The following PIWIL3 variants were observed in gnomAD, a reference collection of about 807,000 sequenced individuals.
The protein encoded by PIWIL3 is piwi like RNA-mediated gene silencing 3.
PIWIL3 carries 101 observed loss-of-function variants against 109.7 expected under a neutral mutation model. The ratio of observed to expected loss-of-function variants is 0.92; its 90% confidence interval spans 0.78 to 1.09. PIWIL3 has a LOEUF of 1.09. Ranked by LOEUF, PIWIL3 falls within the 50% of genes least tolerant of loss-of-function variation. PIWIL3 has a pLI of 0.00. For missense variants in PIWIL3, 1,031 were observed against 1,072.6 expected (o/e 0.96, Z 0.54); for synonymous variants, 373 against 376.4 (o/e 0.99, Z 0.10).
In PIWIL3 at chr22:24,751,532, T is replaced by A. The variant is rs779345081; in HGVS notation, c.978-34A>T. On this transcript the variant is annotated intron_variant, in intron 8 of 20. Coordinates refer to ENST00000616349, the MANE Select transcript of PIWIL3 (RefSeq NM_001255975.1). ...TAATTACAATATGGTATTATTTGAC[T>A]TATTCATCACATGGAACCATCCACA... 6.3e-6 allele frequency: 10 copies of A among 1,598,984 alleles called. No individual in the cohort carries two copies. In the Admixed American group the frequency reaches 1.6e-4, roughly 26 times the overall value.
intron 16 of PIWIL3, among the ~76,000 whole-genome samples, chr22:24,727,501 C>A (rs1464213227): frequency 1.3e-5 from 2 of 152,098 alleles, no homozygotes; most frequent in Non-Finnish European, 2.9e-5. Context: ...CAACAACAAA[C>A]AACAACAACA....
chr22:24,740,969 T>C (rs1408859874), intron 12 of PIWIL3, among the ~76,000 whole-genome samples: 1 of 152,136 alleles, frequency 6.6e-6, no homozygotes, highest in African/African-American at 2.4e-5. Context: ...GAAAACTATA[T>C]AGATCAATCT....
chr22:24,757,594 C>T (rs1431009182), intron 4 of PIWIL3, among the ~76,000 whole-genome samples: 3 of 63,676 alleles, frequency 4.7e-5, no homozygotes, highest in East Asian at 6.8e-4. Flanking sequence ...CCAGCAAGAC[C>T]GTGTCTCTAC....
chr22:24,719,447 A>G lies in PIWIL3; in HGVS notation c.*25T>C. ...CAGGCTTACACGTTGTGGTTTCATT[A>G]GCACATCAGGTCTTCTTCTGCAGGT... On this transcript the variant is annotated 3_prime_UTR_variant, in exon 21 of 21. Coordinates refer to ENST00000616349, the MANE Select transcript of PIWIL3 (RefSeq NM_001255975.1). The G allele has an allele frequency of 6.7e-7, 1 of 1,495,108 alleles. No homozygotes were observed. The highest frequency in any genetic ancestry group is 9.0e-7 in the Non-Finnish European group (1 of 1,106,400). 92.6% of individuals were successfully genotyped at this position (1,495,108 alleles called of 1,614,324 possible).
chr22:24,754,171 A>G lies in PIWIL3; in HGVS notation c.820T>C (p.Tyr274His), dbSNP rs76262321. 2.1e-4 allele frequency: 331 copies of G among 1,614,088 alleles called. 1 individual carries two copies. The African/African-American group carries it at 3.6e-3, about 18-fold the overall frequency. The change falls in exon 8 of 21, where the codon TAC becomes CAC. Residue 274 changes from tyrosine to histidine, a missense_variant. Physicochemically the swap from Tyr to His is moderately conservative, Grantham distance 83. Coordinates refer to ENST00000616349, the MANE Select transcript of PIWIL3 (RefSeq NM_001255975.1). ...GCACAGAGGGTAATGCTGTTTTCGTATTGAAGAACAGAAGTAACATAACCA... is the reference window on the plus strand; with the variant it reads ...GCACAGAGGGTAATGCTGTTTTCGTGTTGAAGAACAGAAGTAACATAACCA... ...WLGYVTSVLQ[Y>H]ENSITLCADV... is the part of the protein sequence containing the mutation.
intron 8 of PIWIL3, among the ~76,000 whole-genome samples, chr22:24,752,788 GC>G (rs1305505469): frequency 1.3e-5 from 2 of 152,058 alleles, no homozygotes; most frequent in African/African-American, 4.8e-5. Context: ...ATTCCTACAA[GC>G]AGCATACGAG....
rs773639925 is a variant in PIWIL3 at position 24,751,438 on chromosome 22, T to C, written c.1038A>G (p.Thr346=). ...DIDWKQNPED[T]FNKSDGSKIT... Reference sequence around the variant, plus strand: ...TTTTGCTGCCATCTGATTTGTTAAATGTGTCTTCAGGATTCTGCTTCCAAT... The same window carrying C: ...TTTTGCTGCCATCTGATTTGTTAAACGTGTCTTCAGGATTCTGCTTCCAAT... The change falls in exon 9 of 21, where the codon ACA becomes ACG. Residue 346 remains threonine (T), a synonymous_variant. Transcript: ENST00000616349. 1.2e-6 allele frequency: 2 copies of C among 1,613,952 alleles called. No homozygotes were observed. The highest frequency in any genetic ancestry group is 1.7e-6 in the Non-Finnish European group (2 of 1,180,000).
chr22:24,753,421 C>CT (rs139435703), intron 8 of PIWIL3, among the ~76,000 whole-genome samples: 3 of 152,204 alleles, frequency 2.0e-5, no homozygotes, highest in Non-Finnish European at 2.9e-5. Flanking sequence ...CCTTGACACA[C>CT]TTGTCAGAAG....
At chr22:24,744,783 A>G (rs1373274877) in intron 12 of PIWIL3, among the ~76,000 whole-genome samples, 2 of 152,182 alleles carry the variant, frequency 1.3e-5, no homozygotes, top group Non-Finnish European at 2.9e-5. Flanking sequence ...ATAGTCCCCA[A>G]TACGATAATA....
rs1258145450 is a variant in PIWIL3, at chr22:24,725,502, A to G, written c.2023T>C (p.Cys675Arg). 1.4e-5 allele frequency: 22 copies of G among 1,614,014 alleles called. No individual in the cohort carries two copies. Among genetic ancestry groups the G allele is most frequent in the Non-Finnish European group, 1.9e-5 (22 of 1,180,048 alleles). ...TCTTCTCCTGTTTTCTGGATGACACATTGAGAGTACCACCTGTTCACAGAA... is the reference window on the plus strand; with the variant it reads ...TCTTCTCCTGTTTTCTGGATGACACGTTGAGAGTACCACCTGTTCACAGAA... ...NAELTKWYSQ[C>R]VIQKTGEELV... Residue 675 changes from cysteine to arginine, a missense_variant, in exon 17 of 21, where the codon TGT becomes CGT. Physicochemically the swap from Cys to Arg is radical, Grantham distance 180. Coordinates refer to ENST00000616349, the MANE Select transcript of PIWIL3 (RefSeq NM_001255975.1).
At chr22:24,764,770 C>T (rs180947832) in intron 1 of PIWIL3, among the ~76,000 whole-genome samples, 4 of 152,046 alleles carry the variant, frequency 2.6e-5, no homozygotes, top group Non-Finnish European at 4.4e-5. Flanking sequence ...CTCCCACTTC[C>T]GGGCGTCCTA....
intron 8 of PIWIL3, 51 bp from the exon 9 acceptor site, chr22:24,751,549 C>A (rs752801798): frequency 1.9e-6 from 3 of 1,576,498 alleles, no homozygotes; most frequent in Non-Finnish European, 1.7e-6. Context: ...TCACATGGAA[C>A]CATCCACACA....
chr22:24,719,999 C>T, intron 19 of PIWIL3, 104 bp from the exon 20 acceptor site: 1 of 983,968 alleles, frequency 1.0e-6, no homozygotes, highest in Admixed American at 3.1e-5. Flanking sequence ...TTACAAAAAT[C>T]TATTCTATAG....
At chr22:24,741,630 G>A (rs533490576) in intron 12 of PIWIL3, among the ~76,000 whole-genome samples, 22 of 152,142 alleles carry the variant, frequency 1.4e-4, no homozygotes, top group Admixed American at 6.5e-4. Context: ...AGAAACATAA[G>A]TTAAAAAGCA....
intron 11 of PIWIL3, among the ~76,000 whole-genome samples, 179 bp downstream of exon 11, chr22:24,749,225 T>TC (rs910419780): frequency 1.1e-4 from 17 of 151,730 alleles, no homozygotes; most frequent in African/African-American, 2.7e-4. Flanking sequence ...ATTTCATTCT[T>TC]CCCCCCCGGC....
Position 24,754,144 on chromosome 22 carries a change from C to G in PIWIL3, c.847G>C (p.Asp283His). 6.2e-7 allele frequency: 1 copy of G among 1,614,006 alleles called. No individual in the cohort carries two copies. The highest frequency in any genetic ancestry group is 8.5e-7 in the Non-Finnish European group (1 of 1,179,908). The change falls in exon 8 of 21, where the codon GAT becomes CAT. Residue 283 changes from aspartate to histidine, a missense_variant. Asp to His is a moderately conservative substitution (Grantham distance 81). Coordinates refer to ENST00000616349, the MANE Select transcript of PIWIL3 (RefSeq NM_001255975.1). ...ATTCGGAGCAGTTTGTGGCTCACAT[C>G]GGCACAGAGGGTAATGCTGTTTTCG... ...QYENSITLCADVSHKLLRIET... is the reference protein window; with the variant it reads ...QYENSITLCAHVSHKLLRIET...
rs1924596486 is a variant in PIWIL3, at chr22:24,749,796, C to T, written c.1113G>A (p.Val371=). 1 of 1,613,744 alleles carries T rather than the reference C, an allele frequency of 6.2e-7. No homozygotes were observed. Among genetic ancestry groups the T allele is most frequent in the Non-Finnish European group, 8.5e-7 (1 of 1,179,990 alleles). ...YRQQHKEIVT[V]KKQPLLVSQG... is the part of the protein sequence containing the mutation. ...GGCTGACCAAAAGTGGCTGTTTCTT[C>T]ACTGTGACAATTTCTTTATGTTGCT... The change falls in exon 10 of 21, where the codon GTG becomes GTA. Residue 371 remains valine, a synonymous_variant. Coordinates refer to ENST00000616349, the MANE Select transcript of PIWIL3 (RefSeq NM_001255975.1).
intron 1 of PIWIL3, among the ~76,000 whole-genome samples, chr22:24,763,950 C>T (rs572930619): frequency 5.3e-4 from 80 of 152,320 alleles, no homozygotes; most frequent in African/African-American, 1.6e-3. Context: ...AACACCGCAG[C>T]GTCCCGGCGC....
At chr22:24,741,722 A>G (rs771818109) in intron 12 of PIWIL3, among the ~76,000 whole-genome samples, 10 of 152,218 alleles carry the variant, frequency 6.6e-5, no homozygotes, top group Non-Finnish European at 1.3e-4. Context: ...ACTGGAAATC[A>G]GCTCCAAAAG....
Sources: allele counts gnomAD v4.1 joint callset (sites outside exome capture counted in the v4.1 genomes callset), GRCh38; gene constraint gnomAD v4.1.1; transcripts MANE v1.5; gene names NCBI Gene and HGNC (gene_info 2026-07-23, HGNC 2026-07-21).